Variants in CDHR2 observed in about 807,000 individuals in gnomAD.
The protein encoded by CDHR2 is cadherin-related family member 2.
CDHR2 carries 104 observed loss-of-function variants against 138.6 expected under a neutral mutation model. The observed-to-expected ratio is 0.75, with a 90% CI of 0.64 to 0.88. The LOEUF (loss-of-function observed/expected upper bound fraction) is 0.88. Ranked by LOEUF, CDHR2 falls within the 40% of genes least tolerant of loss-of-function variation. The pLI is 0.00. For missense variants in CDHR2, 1,624 were observed against 1,727.6 expected, an observed-to-expected ratio of 0.94 and a Z score of 1.06; for synonymous variants, 755 against 742.8, an observed-to-expected ratio of 1.02 and a Z score of -0.27.
chr5:176,588,402 TGAGA>T (rs374868416), intron 21 of CDHR2, among the ~76,000 whole-genome samples: 172 of 70,700 alleles, frequency 2.4e-3, no homozygotes, highest in African/African-American at 6.5e-3. Flanking sequence ...GGTGAGTGCA[TGAGA>T]GAGTGAGGGT....
rs962076341 is a variant in CDHR2 at position 176,592,103 on chromosome 5, T to C, written c.3734+619T>C. Among the ~76,000 whole-genome samples the C allele has an allele frequency of 1.6e-4, 23 of 141,008 alleles. 1 individual carries two copies. The South Asian group carries it at 5.4e-3, about 33-fold the overall frequency. 92.5% of individuals were successfully genotyped at this position (141,008 alleles called of 152,430 possible). A position where few individuals can be genotyped will look rare whatever the true frequency, so the allele number is the denominator to read the frequency against. On this transcript the variant is annotated intron_variant, in intron 30 of 31. Coordinates refer to ENST00000261944, the MANE Select transcript of CDHR2 (RefSeq NM_017675.6). ...ATCGTGGTGGTGGTGGTGATGGTGG[T>C]GGTGATGGTGATGGTAGTGATGGTG...
At chr5:176,583,864 C>T (rs1274597056) in intron 17 of CDHR2, among the ~76,000 whole-genome samples, 3 of 152,018 alleles carry the variant, frequency 2.0e-5, no homozygotes, top group Admixed American at 6.5e-5. Context: ...CAGGCAGGGT[C>T]GCAGGTGGGG....
intron 24 of CDHR2, 56 bp from the exon 25 acceptor site, chr5:176,590,022 T>C: frequency 3.2e-5 from 46 of 1,429,794 alleles, no homozygotes; most frequent in Non-Finnish European, 4.1e-5. Context: ...GGCACAGCCC[T>C]GGCCACAGGC....
chr5:176,588,453 GA>G (rs1758731025), intron 21 of CDHR2, among the ~76,000 whole-genome samples: 4 of 23,998 alleles, frequency 1.7e-4, no homozygotes, highest in East Asian at 4.8e-4. Flanking sequence ...GTGAGTGTGA[GA>G]GGGTGTGTGA....
At chr5:176,573,967 G>C (rs1581140135) in intron 6 of CDHR2, 116 bp from the exon 7 acceptor site, 1 of 778,398 alleles carries the variant, frequency 1.3e-6, no homozygotes, top group Non-Finnish European at 2.1e-6. Context: ...GAAGGACAGG[G>C]GAACCCTGTC....
chr5:176,595,744 A>T lies in CDHR2; in HGVS notation c.*72A>T, dbSNP rs1027347051. On this transcript the variant is annotated 3_prime_UTR_variant, in exon 32 of 32. Transcript: ENST00000261944. ...CCTAACTGCACCTGTCTCCCTGGAG[A>T]TGAAAATATATGACGCTGCCCTGCC... 1 of 1,360,214 alleles carries T rather than the reference A, an allele frequency of 7.4e-7. No homozygotes were observed. Among genetic ancestry groups the T allele is most frequent in the South Asian group, 1.7e-5 (1 of 59,802 alleles). 84.3% of individuals were successfully genotyped at this position (1,360,214 alleles called of 1,614,324 possible). A position where few individuals can be genotyped will look rare whatever the true frequency, so the allele number is the denominator to read the frequency against.
In CDHR2 at chr5:176,575,773, G is replaced by T. The variant is rs373160228; in HGVS notation, c.894G>T (p.Arg298Ser). Residue 298 changes from arginine to serine, a missense_variant, in exon 11 of 32, where the codon AGG becomes AGT. Physicochemically the swap from Arg to Ser is moderately radical, Grantham distance 110. Coordinates refer to ENST00000261944, the MANE Select transcript of CDHR2 (RefSeq NM_017675.6). ...ACATCGGGGCAGATGGGGTGATCAG[G>T]GTCAACGGCTCCCTGGACCGTGAGC... The part of the protein sequence containing the change: ...WFDIGADGVI[R>S]VNGSLDREQL... The T allele has an allele frequency of 1.5e-4, 239 of 1,565,718 alleles. 2 individuals carry two copies. Among genetic ancestry groups the T allele is most frequent in the Admixed American group, 7.7e-4 (41 of 52,922 alleles).
intron 16 of CDHR2, 28 bp from the exon 17 acceptor site, chr5:176,581,315 G>T (rs202042523): frequency 1.9e-6 from 3 of 1,608,692 alleles, no homozygotes; most frequent in African/African-American, 1.3e-5. Flanking sequence ...GCCGATGGCC[G>T]ATGACCAACC....
At chr5:176,583,122 G>T (rs1271891185) in intron 17 of CDHR2, among the ~76,000 whole-genome samples, 1 of 152,222 alleles carries the variant, frequency 6.6e-6, no homozygotes. Flanking sequence ...TGGGAGGGCT[G>T]CAAAGAGAGA....
chr5:176,578,232 G>T (rs1231938400), intron 15 of CDHR2, 133 bp from the exon 16 acceptor site: 8 of 1,223,616 alleles, frequency 6.5e-6, no homozygotes, highest in Admixed American at 2.1e-5. Flanking sequence ...AACAAGGAAT[G>T]ACTTTTTGAA....
chr5:176,564,394 G>T (rs1368967251), intron 1 of CDHR2, among the ~76,000 whole-genome samples: 1 of 152,284 alleles, frequency 6.6e-6, no homozygotes, highest in African/African-American at 2.4e-5. Flanking sequence ...CACCATGTTG[G>T]TCGGGCTGGT....
Position 176,591,173 on chromosome 5 carries a change from G to A in CDHR2, c.3540-37G>A, listed in dbSNP as rs1228404339. On this transcript the variant is annotated intron_variant, in intron 28 of 31. Coordinates refer to ENST00000261944, the MANE Select transcript of CDHR2 (RefSeq NM_017675.6). ...CCTCCACTGGGGACACAACAGGTGT[G>A]CAGCAACAGTGTGACCCCTCTTCCG... 2.8e-6 allele frequency: 4 copies of A among 1,418,192 alleles called. No individual in the cohort carries two copies. The Admixed American group carries it at 6.8e-5, about 24-fold the overall frequency. The allele number at this position is 1,418,192 out of a possible 1,614,324, so 87.9% of individuals were successfully genotyped here. A position where few individuals can be genotyped will look rare whatever the true frequency, so the allele number is the denominator to read the frequency against.
At chr5:176,556,441 C>A (rs943094598) in intron 1 of CDHR2, among the ~76,000 whole-genome samples, 1 of 152,154 alleles carries the variant, frequency 6.6e-6, no homozygotes. Context: ...CCGAGGCGGG[C>A]GGATCACAAG....
At chr5:176,577,968 G>T in intron 14 of CDHR2, 66 bp from the exon 15 acceptor site, 1 of 1,543,058 alleles carries the variant, frequency 6.5e-7, no homozygotes, top group Admixed American at 1.7e-5. Flanking sequence ...CTGTCCCCAC[G>T]AGCTGCATGG....
At chr5:176,581,603 G>C in intron 17 of CDHR2, 21 bp downstream of exon 17, 2 of 1,606,982 alleles carry the variant, frequency 1.2e-6, no homozygotes, top group Non-Finnish European at 1.7e-6. Flanking sequence ...GCTTAGCCAG[G>C]ATGGGCCTGG....
chr5:176,570,228 G>T lies in CDHR2; in HGVS notation c.316-985G>T, dbSNP rs1018836882. On this transcript the variant is annotated intron_variant, in intron 5 of 31. Coordinates refer to ENST00000261944, the MANE Select transcript of CDHR2 (RefSeq NM_017675.6). ...CAATTTTTGTAACGTCTATATCTAT[G>T]GTGGGAACTGCCCTTAAGCTGGTTC... Among the ~76,000 whole-genome samples, 18 of 152,246 alleles carry T rather than the reference G, an allele frequency of 1.2e-4. No homozygotes were observed. The Middle Eastern group carries it at 0.014, about 115-fold the overall frequency.
intron 1 of CDHR2, among the ~76,000 whole-genome samples, chr5:176,551,332 TAA>T (rs968252163): frequency 2.0e-5 from 3 of 152,080 alleles, no homozygotes; most frequent in African/African-American, 7.2e-5. Flanking sequence ...CATGCCTGGC[TAA>T]TTTTTGTATT....
At chr5:176,551,874 T>C (rs1291036827) in intron 1 of CDHR2, among the ~76,000 whole-genome samples, 8 of 108,350 alleles carry the variant, frequency 7.4e-5, no homozygotes, top group Admixed American at 6.6e-4. Flanking sequence ...GCTAATATTT[T>C]TTTTTTTTTT....
At chr5:176,581,280 A>C (rs1758522085) in intron 16 of CDHR2, 63 bp from the exon 17 acceptor site, 7 of 1,596,378 alleles carry the variant, frequency 4.4e-6, no homozygotes, top group Non-Finnish European at 6.0e-6. Flanking sequence ...GTCCGGCTGC[A>C]TCGGAGGGGC....
Sources: allele counts gnomAD v4.1 joint callset (sites outside exome capture counted in the v4.1 genomes callset), GRCh38; gene constraint gnomAD v4.1.1; transcripts MANE v1.5; gene names NCBI Gene and HGNC (gene_info 2026-07-23, HGNC 2026-07-21).